The following PRPF18 variants were observed in gnomAD, a reference collection of about 807,000 sequenced individuals.
PRPF18 encodes pre-mRNA-splicing factor 18.
Under a neutral mutation model 46.5 loss-of-function variants are expected in PRPF18, and 38 were observed. The observed-to-expected ratio is 0.82, with a 90% CI of 0.63 to 1.07. The LOEUF (loss-of-function observed/expected upper bound fraction) is 1.07. Ranked by LOEUF, PRPF18 falls within the 50% of genes least tolerant of loss-of-function variation. The probability of loss-of-function intolerance (pLI) is 0.00; values close to 1 mark genes in which losing one functional copy is unlikely to be tolerated. For synonymous variants in PRPF18, 152 were observed against 146.7 expected, an observed-to-expected ratio of 1.04 and a Z score of -0.26; for missense variants, 263 against 410.0, an observed-to-expected ratio of 0.64 and a Z score of 3.10.
At chr10:13,636,233 G>A in the PRPF18 span, among the ~76,000 whole-genome samples, 6 of 152,142 alleles carry the variant, frequency 3.9e-5, no homozygotes, top group African/African-American at 1.4e-4. Context: ...GCCAGCCTGG[G>A]CAACATGGTG....
intron 6 of PRPF18, among the ~76,000 whole-genome samples, chr10:13,612,537 G>A (rs1011280236): frequency 6.0e-5 from 9 of 150,828 alleles, no homozygotes; most frequent in African/African-American, 2.2e-4. Context: ...CACCTGCCTC[G>A]GCCTCCCAAA....
chr10:13,603,644 C>G (rs1357256325), intron 3 of PRPF18, among the ~76,000 whole-genome samples: 2 of 152,170 alleles, frequency 1.3e-5, no homozygotes, highest in Admixed American at 1.3e-4. Flanking sequence ...CCTCAGTAGT[C>G]TCTTCCTGTT....
At chr10:13,595,739 A>G (rs1027021149) in intron 1 of PRPF18, among the ~76,000 whole-genome samples, 4 of 152,204 alleles carry the variant, frequency 2.6e-5, no homozygotes, top group African/African-American at 9.7e-5. Flanking sequence ...TAACATCTTC[A>G]TCTTTATTTC....
chr10:13,645,999 T>A, the PRPF18 span: 1 of 152,328 alleles, frequency 6.6e-6, no homozygotes, highest in Non-Finnish European at 1.5e-5. Flanking sequence ...CAGCTTTGAG[T>A]CTTGGGCTCG....
intron 1 of PRPF18, chr10:13,592,383 G>T (rs530621269): frequency 3.1e-4 from 77 of 245,270 alleles, no homozygotes; most frequent in African/African-American, 1.4e-3. Context: ...CACGGGTCAG[G>T]GATCAGTAGA....
chr10:13,605,276 G>GT (rs995576760), intron 3 of PRPF18, among the ~76,000 whole-genome samples: 26 of 152,114 alleles, frequency 1.7e-4, no homozygotes, highest in African/African-American at 6.3e-4. Flanking sequence ...GAGATGTTTA[G>GT]TTTTTTCCTC....
At chr10:13,630,977 G>C (rs2080584406), downstream of PRPF18, 1 of 152,220 alleles carries the variant, frequency 6.6e-6, no homozygotes. Context: ...ATAGGAAATA[G>C]AAGTTTGAAG....
At chr10:13,603,201 C>T (rs1443976479) in intron 3 of PRPF18, among the ~76,000 whole-genome samples, 1 of 152,050 alleles carries the variant, frequency 6.6e-6, no homozygotes, top group Non-Finnish European at 1.5e-5. Context: ...CCTGCCTTTG[C>T]TCAGCGAGCG....
Position 13,605,727 on chromosome 10 carries a change from A to G in PRPF18, c.346A>G (p.Thr116Ala), listed in dbSNP as rs1168719382. 6.2e-7 allele frequency: 1 copy of G among 1,613,152 alleles called. No homozygotes were observed. The highest frequency in any genetic ancestry group is 8.5e-7 in the Non-Finnish European group (1 of 1,179,640). Residue 116 changes from threonine to alanine, a missense_variant, in exon 4 of 10, where the codon ACA (threonine) becomes GCA (alanine). Physicochemically the swap from Thr to Ala is moderately conservative, Grantham distance 58 (BLOSUM62 0). This residue lies in a region of PRPF18 where 155 missense variants were observed against 245.1 expected (regional missense o/e 0.63). Transcript: ENST00000378572. ...FQRLRKIEIL[T>A]PEVNKGLRND... The stretch of plus-strand genomic sequence containing the variant: ...ACGTTTAAGGAAAATAGAGATCCTC[A>G]CACCAGAAGTTAACAAGGTAAGAGG...
chr10:13,593,298 G>A (rs925241981), intron 1 of PRPF18, among the ~76,000 whole-genome samples: 2 of 152,276 alleles, frequency 1.3e-5, no homozygotes, highest in South Asian at 2.1e-4. Flanking sequence ...GAAGACATAA[G>A]AAGAATCTGT....
At chr10:13,622,204 C>A (rs906746105) in intron 9 of PRPF18, among the ~76,000 whole-genome samples, 6 of 132,064 alleles carry the variant, frequency 4.5e-5, no homozygotes, top group South Asian at 2.3e-4. Context: ...AGCTGTCTAC[C>A]CCCTTAATCT....
intron 9 of PRPF18, among the ~76,000 whole-genome samples, chr10:13,622,049 C>T (rs1416956507): frequency 6.6e-6 from 1 of 152,206 alleles, no homozygotes; most frequent in East Asian, 1.9e-4. Context: ...GTTGCACACA[C>T]AGTATCATAG....
At chr10:13,649,684 T>TC in the PRPF18 span, 2 of 152,244 alleles carry the variant, frequency 1.3e-5, no homozygotes, top group Non-Finnish European at 2.9e-5. Context: ...CATGTATTGG[T>TC]CTTTTATTCT....
At chr10:13,604,952 T>C (rs552564260) in intron 3 of PRPF18, among the ~76,000 whole-genome samples, 1 of 152,326 alleles carries the variant, frequency 6.6e-6, no homozygotes, top group East Asian at 1.9e-4. Flanking sequence ...CAAAAAAGAA[T>C]TTTTTAAAAA....
chr10:13,612,829 C>T (rs1338603959), intron 6 of PRPF18, among the ~76,000 whole-genome samples: 2 of 151,970 alleles, frequency 1.3e-5, no homozygotes, highest in Admixed American at 1.3e-4. Context: ...TTCAGTTCTA[C>T]AAATAGCTGC....
intron 3 of PRPF18, among the ~76,000 whole-genome samples, chr10:13,602,487 A>G (rs2080126423): frequency 6.7e-6 from 1 of 150,340 alleles, no homozygotes; most frequent in Admixed American, 6.6e-5. Context: ...TTTTTATACG[A>G]TGACATCAGT....
chr10:13,615,324 G>A (rs2080324019), intron 8 of PRPF18, among the ~76,000 whole-genome samples: 1 of 152,190 alleles, frequency 6.6e-6, no homozygotes, highest in African/African-American at 2.4e-5. Flanking sequence ...GAACCAAGAA[G>A]CTTTAATAAC....
intron 2 of PRPF18, among the ~76,000 whole-genome samples, chr10:13,598,384 A>G (rs2080063412): frequency 1.3e-5 from 2 of 152,200 alleles, no homozygotes; most frequent in Admixed American, 6.5e-5. Context: ...AAATATCAAT[A>G]TAAGATAATA....
the PRPF18 span, chr10:13,646,198 TAG>T: frequency 6.6e-6 from 1 of 152,636 alleles, no homozygotes. Context: ...GGGAGAGGGC[TAG>T]AGAGAGGACA....
Sources: gnomAD v4.1 joint callset for allele counts (sites outside exome capture counted in the v4.1 genomes callset) on GRCh38, gnomAD v4.1.1 for gene constraint, gnomAD v4.1.1 regional missense constraint, MANE v1.5 for transcripts, NCBI Gene and HGNC (gene_info 2026-07-23, HGNC 2026-07-21) for gene names.